FHAD1: variants seen among roughly 807,000 people sequenced by gnomAD.
FHAD1 encodes forkhead-associated domain-containing protein 1.
FHAD1 carries 146 observed loss-of-function variants against 191.3 expected under a neutral mutation model. That is an observed-to-expected ratio of 0.76 (90% CI 0.67 to 0.88). The LOEUF (loss-of-function observed/expected upper bound fraction) is 0.88, where lower values mean the gene tolerates loss of function less well. Ranked by LOEUF, FHAD1 falls within the 40% of genes least tolerant of loss-of-function variation. FHAD1 has a pLI of 0.00. For missense variants in FHAD1, 1,635 were observed against 1,785.8 expected (o/e 0.92, Z 1.52); for synonymous variants, 616 against 672.3 (o/e 0.92, Z 1.29).
intron 17 of FHAD1, 94 bp downstream of exon 17, chr1:15,345,284 T>A: frequency 7.4e-7 from 1 of 1,359,482 alleles, no homozygotes; most frequent in South Asian, 1.3e-5. Context: ...GGCTCTGAGC[T>A]CCAGGGCTGT....
intron 31 of FHAD1, chr1:15,383,695 C>T (rs968358595): frequency 1.3e-5 from 4 of 306,298 alleles, no homozygotes; most frequent in African/African-American, 2.2e-5. Flanking sequence ...GTCACTGTTT[C>T]TTCATGACCG....
At chr1:15,322,068 TC>T (rs1676507279) in intron 10 of FHAD1, among the ~76,000 whole-genome samples, 1 of 152,234 alleles carries the variant, frequency 6.6e-6, no homozygotes, top group Admixed American at 6.5e-5. Flanking sequence ...ATGTTTCTTT[TC>T]CTTTGATTTA....
intron 2 of FHAD1, among the ~76,000 whole-genome samples, chr1:15,256,956 T>C (rs1038822978): frequency 6.6e-6 from 1 of 152,192 alleles, no homozygotes; most frequent in East Asian, 1.9e-4. Flanking sequence ...CCTTCTCATA[T>C]GGGATCAGAG....
rs772117440 is a variant in FHAD1 at position 15,289,652 on chromosome 1, C to T, written c.554C>T (p.Pro185Leu). ...SFVVDDARKPPVIKQVWTNAM... is the reference protein window; with the variant it reads ...SFVVDDARKPLVIKQVWTNAM... ...GTGGTGGACGACGCCCGCAAGCCAC[C>T]CGTCATCAAGCAAGGTATGCGTCAG... Residue 185 changes from proline (P) to leucine (L), a missense_variant, in exon 4 of 34, where the codon CCC (proline) becomes CTC (leucine). Physicochemically the swap from Pro to Leu is moderately conservative, Grantham distance 98 (BLOSUM62 -3). Coordinates refer to ENST00000688493, the MANE Select transcript of FHAD1 (RefSeq NM_001391957.1). The surrounding 1 kb of genome is among the most constrained non-coding windows in gnomAD (Gnocchi z 4.2). 22 of 1,548,418 alleles carry T rather than the reference C, an allele frequency of 1.4e-5. No homozygotes were observed. Among genetic ancestry groups the T allele is most frequent in the Admixed American group, 2.0e-5 (1 of 50,956 alleles).
At chr1:15,258,653 C>T (rs1299362134) in intron 2 of FHAD1, among the ~76,000 whole-genome samples, 2 of 151,178 alleles carry the variant, frequency 1.3e-5, no homozygotes, top group African/African-American at 4.9e-5. Context: ...GGCACAATCT[C>T]GGCTCACTGC....
intron 26 of FHAD1, among the ~76,000 whole-genome samples, chr1:15,373,585 G>A (rs1698738183): frequency 6.6e-6 from 1 of 152,040 alleles, no homozygotes; most frequent in East Asian, 1.9e-4. Context: ...GGTTACAGTA[G>A]CTCATGCCTG....
At chr1:15,295,230 C>T (rs1666530700) in intron 4 of FHAD1, among the ~76,000 whole-genome samples, 1 of 152,164 alleles carries the variant, frequency 6.6e-6, no homozygotes, top group Admixed American at 6.5e-5. Flanking sequence ...AGTTCCCTCA[C>T]TTACAAAATA....
intron 9 of FHAD1, 66 bp from the exon 10 acceptor site, chr1:15,317,758 C>A (rs1674949788): frequency 9.3e-7 from 1 of 1,079,932 alleles, no homozygotes; most frequent in Admixed American, 2.1e-5. Context: ...AGGGCTCAGA[C>A]CTCTCAGCCA....
chr1:15,319,487 G>C (rs897695641), intron 10 of FHAD1, among the ~76,000 whole-genome samples: 1 of 152,130 alleles, frequency 6.6e-6, no homozygotes, highest in Non-Finnish European at 1.5e-5. Context: ...TTGTCCAGGT[G>C]CAGTAGCTCA....
chr1:15,251,200 AG>A (rs1230341144), intron 1 of FHAD1, among the ~76,000 whole-genome samples: 3 of 151,902 alleles, frequency 2.0e-5, no homozygotes, highest in South Asian at 2.1e-4. Context: ...GCTTGAGCCC[AG>A]GAGATCGAGA....
At chr1:15,277,367 C>G (rs565625735) in intron 3 of FHAD1, among the ~76,000 whole-genome samples, 7 of 152,206 alleles carry the variant, frequency 4.6e-5, no homozygotes, top group Non-Finnish European at 8.8e-5. Context: ...CAATGGCAAT[C>G]TAGCCTTTCT....
At chr1:15,285,665 A>G (rs1027208965) in intron 3 of FHAD1, among the ~76,000 whole-genome samples, 17 of 152,186 alleles carry the variant, frequency 1.1e-4, no homozygotes, top group Non-Finnish European at 2.5e-4. Flanking sequence ...TGTGGGGGCT[A>G]CAAGTGACAA....
Position 15,330,702 on chromosome 1 carries a change from G to A in FHAD1, c.1906+1161G>A, listed in dbSNP as rs1057117793. 5.9e-5 allele frequency among the ~76,000 whole-genome samples: 9 copies of A among 152,314 alleles called. No homozygotes were observed. The East Asian group carries it at 7.7e-4, about 13-fold the overall frequency. Reference sequence around the variant, plus strand: ...AGAGCATTCTGAGTACAGGAGCAGCGTGGTGGCAGGGGAGCATGGAGAGCA... The same window carrying A: ...AGAGCATTCTGAGTACAGGAGCAGCATGGTGGCAGGGGAGCATGGAGAGCA... On this transcript the variant is annotated intron_variant, in intron 14 of 33. Coordinates refer to ENST00000688493, the MANE Select transcript of FHAD1 (RefSeq NM_001391957.1).
intron 5 of FHAD1, among the ~76,000 whole-genome samples, chr1:15,299,142 G>A (rs1314884401): frequency 6.9e-6 from 1 of 144,826 alleles, no homozygotes; most frequent in African/African-American, 2.6e-5. Flanking sequence ...CAAGGCTGCA[G>A]TGAGCTGTGA....
At chr1:15,283,460 C>A (rs1661300480) in intron 3 of FHAD1, among the ~76,000 whole-genome samples, 1 of 152,184 alleles carries the variant, frequency 6.6e-6, no homozygotes, top group Admixed American at 6.5e-5. Flanking sequence ...TGTAAGAGCA[C>A]AGATTATCAT....
intron 3 of FHAD1, 109 bp downstream of exon 3, chr1:15,272,638 C>T (rs1325499032): frequency 2.1e-6 from 2 of 950,574 alleles, no homozygotes; most frequent in East Asian, 2.7e-5. Context: ...ACTGTGATCG[C>T]ACGCTGCACA....
At chr1:15,399,146 A>C (rs1212421450), downstream of FHAD1, among the ~76,000 whole-genome samples, 1 of 152,190 alleles carries the variant, frequency 6.6e-6, no homozygotes, top group Non-Finnish European at 1.5e-5. Context: ...TTAAAAAGCC[A>C]CAATAAAATT....
At chr1:15,344,270 A>G (rs1687981016) in intron 16 of FHAD1, among the ~76,000 whole-genome samples, 1 of 152,224 alleles carries the variant, frequency 6.6e-6, no homozygotes, top group Non-Finnish European at 1.5e-5. Flanking sequence ...TTCCGAAAAT[A>G]CATGTGTCCA....
intron 28 of FHAD1, 130 bp from the exon 29 acceptor site, chr1:15,380,571 T>A (rs1700676768): frequency 1.5e-6 from 1 of 678,316 alleles, no homozygotes; most frequent in Non-Finnish European, 2.6e-6. Context: ...TCAGACGGAA[T>A]GATCAGGACG....
Sources: gnomAD v4.1 joint callset for allele counts (sites outside exome capture counted in the v4.1 genomes callset) on GRCh38, gnomAD v4.1.1 for gene constraint, Gnocchi (gnomAD v3.1) non-coding constraint, MANE v1.5 for transcripts, NCBI Gene and HGNC (gene_info 2026-07-23, HGNC 2026-07-21) for gene names.